The following SMARCD3 variants were observed in gnomAD, a reference collection of about 807,000 sequenced individuals.
The protein encoded by SMARCD3 is SWI/SNF-related matrix-associated actin-dependent regulator of chromatin subfamily D member 3.
In SMARCD3, 14 loss-of-function variants were observed where a neutral mutation model predicts 58.0. The ratio of observed to expected loss-of-function variants is 0.24; its 90% CI spans 0.16 to 0.38. The LOEUF (loss-of-function observed/expected upper bound fraction) is 0.38. SMARCD3 is among the 10% of genes least tolerant of loss of function. The pLI, the probability that SMARCD3 is intolerant of heterozygous loss-of-function variation, is 1.00. For synonymous variants in SMARCD3, 253 were observed against 253.8 expected, an observed-to-expected ratio of 1.00 and a Z score of 0.03; for missense variants, 408 against 636.9, an observed-to-expected ratio of 0.64 and a Z score of 3.87.
rs1803368013 is a variant in SMARCD3 at position 151,248,233 on chromosome 7, G to T, written c.78+252C>A. Reference sequence around the variant, plus strand: ...CCTACTTGGGGGGTAGAGTCCCCAAGTCCCACCCCCGCCCCTGACAAGAGC... The same window carrying T: ...CCTACTTGGGGGGTAGAGTCCCCAATTCCCACCCCCGCCCCTGACAAGAGC... On this transcript the variant is annotated intron_variant, in intron 1 of 12. Coordinates refer to ENST00000262188, the MANE Select transcript of SMARCD3 (RefSeq NM_001003801.2). The surrounding 1 kb of genome is among the most constrained non-coding windows in gnomAD (Gnocchi z 6.1). Among the ~76,000 whole-genome samples the T allele has an allele frequency of 6.6e-6, 1 of 150,982 alleles. No individual in the cohort carries two copies. The highest frequency in any genetic ancestry group is 1.5e-5 in the Non-Finnish European group (1 of 67,830).
intron 2 of SMARCD3, among the ~76,000 whole-genome samples, chr7:151,261,979 C>G (rs922242874): frequency 2.0e-5 from 3 of 152,182 alleles, no homozygotes; most frequent in Admixed American, 1.3e-4. Context: ...AGGGGTCATG[C>G]TGTGGGAAGC....
At chr7:151,272,506 G>A (rs1290723653) in intron 2 of SMARCD3, among the ~76,000 whole-genome samples, 3 of 152,056 alleles carry the variant, frequency 2.0e-5, no homozygotes, top group South Asian at 2.1e-4. Flanking sequence ...TTCCCAGAAC[G>A]ATCTTCAGTC....
Position 151,248,551 on chromosome 7 carries a change from G to C in SMARCD3, c.12C>G (p.Asp4Glu), listed in dbSNP as rs760286919. 2 of 1,613,666 alleles carry C rather than the reference G, an allele frequency of 1.2e-6. No individual in the cohort carries two copies. Among genetic ancestry groups the C allele is most frequent in the Admixed American group, 3.3e-5 (2 of 60,008 alleles). Residue 4 changes from aspartate to glutamate, a missense_variant, in exon 1 of 13, where the codon GAC becomes GAG. Physicochemically the swap from Asp to Glu is conservative, Grantham distance 45. Coordinates refer to ENST00000262188, the MANE Select transcript of SMARCD3 (RefSeq NM_001003801.2). This position sits in a 1 kb window ranked among gnomAD's most constrained non-coding sequence, Gnocchi z 6.1. ...CTTTGCGCGCCCCTCCGGCAACTTC[G>C]TCCGCGGCCATCGGGGTGGGCTCAG... is the stretch of plus-strand genomic sequence containing the variant. MAA[D>E]EVAGGARKAT...
In SMARCD3 at chr7:151,239,830, G is replaced by A. The variant is rs987986257; in HGVS notation, c.1174-84C>T. 5.4e-5 allele frequency: 72 copies of A among 1,329,548 alleles called. No individual in the cohort carries two copies. The highest frequency in any genetic ancestry group is 5.9e-5 in the Non-Finnish European group (55 of 933,390). 82.4% of individuals were successfully genotyped at this position (1,329,548 alleles called of 1,614,324 possible). A position where few individuals can be genotyped will look rare whatever the true frequency, so the allele number is the denominator to read the frequency against. The stretch of plus-strand genomic sequence containing the variant: ...AAAGGAAGCGGGTGGGAAGGGGAGG[G>A]AGAGGGGGTTTCTTCTGTGAAGGAC... On this transcript the variant is annotated intron_variant, in intron 10 of 12. Coordinates refer to ENST00000262188, the MANE Select transcript of SMARCD3 (RefSeq NM_001003801.2). This position sits in a 1 kb window ranked among gnomAD's most constrained non-coding sequence, Gnocchi z 7.0.
Position 151,240,181 on chromosome 7 carries a change from T to C in SMARCD3, c.1104A>G (p.Leu368=), listed in dbSNP as rs377590308. The C allele has an allele frequency of 1.1e-4, 172 of 1,613,972 alleles. No individual in the cohort carries two copies. The highest frequency in any genetic ancestry group is 2.2e-4 in the Admixed American group (13 of 59,990). ...GGAGGAAGCTGCTCATCTGCCCCTT[T>C]AATGGCTCCTCCACCTCCACGTCAA... The part of the protein sequence containing the change: ...YDIDVEVEEP[L]KGQMSSFLLS... The change falls in exon 10 of 13, where the codon TTA becomes TTG. Residue 368 remains leucine (L), a synonymous_variant. Transcript: ENST00000262188.
At chr7:151,253,019 C>T (rs1803578274), upstream of SMARCD3, among the ~76,000 whole-genome samples, 1 of 152,232 alleles carries the variant, frequency 6.6e-6, no homozygotes, top group Non-Finnish European at 1.5e-5. Context: ...CGCTGTACCT[C>T]CCTGTCCCTC....
Position 151,242,613 on chromosome 7 carries a change from T to C in SMARCD3, c.457-10A>G, listed in dbSNP as rs773100722. The C allele has an allele frequency of 4.3e-6, 7 of 1,612,702 alleles. No homozygotes were observed. In the East Asian group the frequency reaches 1.3e-4, roughly 31 times the overall value. On this transcript the variant is annotated splice_polypyrimidine_tract_variant and intron_variant, in intron 4 of 12. Coordinates refer to ENST00000262188, the MANE Select transcript of SMARCD3 (RefSeq NM_001003801.2). The surrounding 1 kb of genome is among the most constrained non-coding windows in gnomAD (Gnocchi z 4.7). ...GCAGCTTCCGCTTTTGCTGTAGAAA[T>C]AGAGTGCAGAACCGGGCGAATGCTG... is the stretch of plus-strand genomic sequence containing the variant.
exon 2 of SMARCD3, chr7:151,275,153 A>T: frequency 6.2e-7 from 1 of 1,612,068 alleles, no homozygotes; most frequent in Admixed American, 1.7e-5. Context: ...CTGGAGTCAT[A>T]GATGGCAGGG....
At chr7:151,250,236 T>G (rs1246021605), upstream of SMARCD3, among the ~76,000 whole-genome samples, 1 of 152,074 alleles carries the variant, frequency 6.6e-6, no homozygotes, top group African/African-American at 2.4e-5. Context: ...GGAGGACATC[T>G]GGTCCAGGTT....
At chr7:151,268,433 G>C (rs1026272741) in intron 2 of SMARCD3, among the ~76,000 whole-genome samples, 2 of 152,190 alleles carry the variant, frequency 1.3e-5, no homozygotes, top group Non-Finnish European at 2.9e-5. Context: ...GGACACAGCA[G>C]TGAAAGTCAA....
At chr7:151,258,562 CTAAA>C (rs1803784371) in intron 2 of SMARCD3, among the ~76,000 whole-genome samples, 2 of 88,316 alleles carry the variant, frequency 2.3e-5, no homozygotes, top group East Asian at 1.7e-3. Context: ...GAGACTCTGC[CTAAA>C]AAAAAAAAAA....
At chr7:151,264,732 T>C (rs1804028215) in intron 2 of SMARCD3, among the ~76,000 whole-genome samples, 2 of 152,166 alleles carry the variant, frequency 1.3e-5, no homozygotes, top group Non-Finnish European at 2.9e-5. Flanking sequence ...GGAGGCAGTG[T>C]TGGCAGCCAG....
chr7:151,275,303 G>A (rs1323257546), intron 1 of SMARCD3: 5 of 695,872 alleles, frequency 7.2e-6, no homozygotes, highest in Non-Finnish European at 1.0e-5. Flanking sequence ...AGGAGGCCTC[G>A]GGAAGCTGCG....
At chr7:151,256,349 TTAG>T (rs1803698373) in intron 2 of SMARCD3, among the ~76,000 whole-genome samples, 3 of 151,958 alleles carry the variant, frequency 2.0e-5, no homozygotes, top group South Asian at 4.1e-4. Context: ...TTTTGTATTT[TTAG>T]TAGAGACAGG....
At position 151,242,554 on chromosome 7, in the gene SMARCD3, T is replaced by A. The variant is rs771988742; in HGVS notation, c.506A>T (p.Lys169Met). The change falls in exon 5 of 13, where the codon AAG becomes ATG. Residue 169 changes from lysine to methionine, a missense_variant. By Grantham distance (95) the Lys-to-Met change is moderately conservative. Coordinates refer to ENST00000262188, the MANE Select transcript of SMARCD3 (RefSeq NM_001003801.2). The surrounding 1 kb of genome is among the most constrained non-coding windows in gnomAD (Gnocchi z 4.7). ...GCCGTCGGAATCCTCAGCATCAGGCTTCGCAGGGTTAAAAGTGTTGGAGAT... is the reference window on the plus strand; with the variant it reads ...GCCGTCGGAATCCTCAGCATCAGGCATCGCAGGGTTAAAAGTGTTGGAGAT... Reference protein sequence around the residue: ...LYISNTFNPAKPDAEDSDGSI... With the variant: ...LYISNTFNPAMPDAEDSDGSI... The A allele has an allele frequency of 1.9e-6, 3 of 1,614,144 alleles. No individual in the cohort carries two copies. In the Admixed American group the frequency reaches 5.0e-5, roughly 27 times the overall value.
Position 151,241,478 on chromosome 7 carries a change from A to C in SMARCD3, c.939+14T>G. The C allele has an allele frequency of 6.2e-7, 1 of 1,608,182 alleles. No homozygotes were observed. The highest frequency in any genetic ancestry group is 8.5e-7 in the Non-Finnish European group (1 of 1,176,642). On this transcript the variant is annotated intron_variant, in intron 8 of 12. Coordinates refer to ENST00000262188, the MANE Select transcript of SMARCD3 (RefSeq NM_001003801.2). The surrounding 1 kb of genome is among the most constrained non-coding windows in gnomAD (Gnocchi z 5.3). Reference sequence around the variant, plus strand: ...GCCTGCTCCCCAGATCCCAGGGTTCAGGAGAGAGGTTACCTGCTGGAAATA... The same window carrying C: ...GCCTGCTCCCCAGATCCCAGGGTTCCGGAGAGAGGTTACCTGCTGGAAATA...
Position 151,242,650 on chromosome 7 carries a change from C to T in SMARCD3, c.457-47G>A. 1 of 1,612,304 alleles carries T rather than the reference C, an allele frequency of 6.2e-7. No homozygotes were observed. Among genetic ancestry groups the T allele is most frequent in the Non-Finnish European group, 8.5e-7 (1 of 1,178,442 alleles). On this transcript the variant is annotated intron_variant, in intron 4 of 12. Transcript: ENST00000262188. The surrounding 1 kb of genome is among the most constrained non-coding windows in gnomAD (Gnocchi z 4.7). ...CCGGGCGAATGCTGTGTGCTCCCACCCCGACCACCCTGCTTCCCCATCCTG... is the reference window on the plus strand; with the variant it reads ...CCGGGCGAATGCTGTGTGCTCCCACTCCGACCACCCTGCTTCCCCATCCTG...
upstream of SMARCD3, among the ~76,000 whole-genome samples, chr7:151,252,994 C>T (rs978666851): frequency 1.3e-5 from 2 of 152,180 alleles, no homozygotes; most frequent in Non-Finnish European, 2.9e-5. Flanking sequence ...AATAATGGTG[C>T]GACCTTGGGC....
chr7:151,265,986 T>A (rs1804066847), intron 2 of SMARCD3, among the ~76,000 whole-genome samples: 1 of 152,172 alleles, frequency 6.6e-6, no homozygotes, highest in African/African-American at 2.4e-5. Flanking sequence ...CTTTCTTTCT[T>A]TGATACGGAG....
Sources: gnomAD v4.1 joint callset for allele counts (sites outside exome capture counted in the v4.1 genomes callset) on GRCh38, gnomAD v4.1.1 for gene constraint, Gnocchi (gnomAD v3.1) non-coding constraint, MANE v1.5 for transcripts, NCBI Gene and HGNC (gene_info 2026-07-23, HGNC 2026-07-21) for gene names.